Variants in THSD7B observed in about 807,000 individuals in gnomAD.
The protein encoded by THSD7B is thrombospondin type-1 domain-containing protein 7B.
A neutral mutation model predicts 213.6 loss-of-function variants in THSD7B; 138 were observed. The observed-to-expected ratio is 0.65, with a 90% CI of 0.56 to 0.74. The LOEUF is 0.74. Among genes scored for constraint, THSD7B ranks in the 30% least tolerant of loss-of-function variants. THSD7B has a pLI of 0.00. For synonymous variants in THSD7B, 742 were observed against 687.0 expected (o/e 1.08, Z -1.25); for missense variants, 1,931 against 1,991.5 (o/e 0.97, Z 0.58).
At chr2:136,962,475 T>A (rs1003316405) in intron 2 of THSD7B, among the ~76,000 whole-genome samples, 3 of 144,896 alleles carry the variant, frequency 2.1e-5, no homozygotes, top group Admixed American at 7.3e-5. Flanking sequence ...AGACATTGCA[T>A]GGGAATAGGC....
chr2:137,620,133 T>C (rs1035765406), intron 19 of THSD7B, among the ~76,000 whole-genome samples: 13 of 152,304 alleles, frequency 8.5e-5, no homozygotes, highest in Non-Finnish European at 7.4e-5. Context: ...GTTACGACCA[T>C]GATTGTTTTT....
intron 2 of THSD7B, among the ~76,000 whole-genome samples, chr2:136,935,495 A>T (rs1023350024): frequency 6.6e-6 from 1 of 152,138 alleles, no homozygotes; most frequent in African/African-American, 2.4e-5. Context: ...GGAAGATTTG[A>T]ATATGTTCTG....
At chr2:136,882,401 A>G (rs1683641467) in intron 2 of THSD7B, 84 bp downstream of exon 2, 2 of 1,309,042 alleles carry the variant, frequency 1.5e-6, no homozygotes, top group Non-Finnish European at 2.0e-6. Flanking sequence ...TTCTTTCTAA[A>G]GTAGTGGGAA....
chr2:137,478,321 C>T (rs555332702), intron 15 of THSD7B, among the ~76,000 whole-genome samples: 17 of 152,228 alleles, frequency 1.1e-4, no homozygotes, highest in Admixed American at 7.9e-4. Flanking sequence ...TCTTAACATT[C>T]TGAAATTCTT....
chr2:137,539,426 A>AT (rs1353002544), intron 15 of THSD7B, among the ~76,000 whole-genome samples: 1 of 151,688 alleles, frequency 6.6e-6, no homozygotes. Flanking sequence ...TAGGAGGCAG[A>AT]TTTTAAGATC....
Position 136,995,089 on chromosome 2 carries a change from T to A in THSD7B, c.140-61331T>A, listed in dbSNP as rs143219075. Among the ~76,000 whole-genome samples the A allele has an allele frequency of 1.6e-4, 24 of 152,264 alleles. No individual in the cohort carries two copies. The East Asian group carries it at 4.6e-3, about 29-fold the overall frequency. On this transcript the variant is annotated intron_variant, in intron 2 of 27. Transcript: ENST00000409968. Reference sequence around the variant, plus strand: ...AGGTGTTAATCCATCAACAAACATCTCTTGTGATTCAAAGCTGGCATCTGG... The same window carrying A: ...AGGTGTTAATCCATCAACAAACATCACTTGTGATTCAAAGCTGGCATCTGG...
intron 1 of THSD7B, among the ~76,000 whole-genome samples, chr2:136,838,931 A>G (rs1020577190): frequency 6.6e-6 from 1 of 152,116 alleles, no homozygotes; most frequent in African/African-American, 2.4e-5. Flanking sequence ...TCATTCTCTC[A>G]GCTCCTGGAA....
At chr2:136,950,397 C>T (rs1369537961) in intron 2 of THSD7B, among the ~76,000 whole-genome samples, 3 of 152,118 alleles carry the variant, frequency 2.0e-5, no homozygotes, top group African/African-American at 7.2e-5. Flanking sequence ...CAAACCTGCA[C>T]GTTCTGCACA....
chr2:136,930,960 A>G (rs529026171), intron 2 of THSD7B, among the ~76,000 whole-genome samples: 1 of 152,276 alleles, frequency 6.6e-6, no homozygotes, highest in African/African-American at 2.4e-5. Flanking sequence ...TTGTCTAACA[A>G]TGACTATTTA....
At chr2:137,246,826 A>G (rs1202749495) in intron 10 of THSD7B, among the ~76,000 whole-genome samples, 1 of 151,836 alleles carries the variant, frequency 6.6e-6, no homozygotes, top group Non-Finnish European at 1.5e-5. Flanking sequence ...ATGCCTGCCT[A>G]AAGTATCCAA....
chr2:137,399,764 A>G (rs894652892), intron 12 of THSD7B, among the ~76,000 whole-genome samples: 1 of 152,140 alleles, frequency 6.6e-6, no homozygotes, highest in Non-Finnish European at 1.5e-5. Flanking sequence ...GGATGTTTTC[A>G]TCAGTTATTT....
At chr2:137,336,611 T>C (rs1323996234) in intron 12 of THSD7B, among the ~76,000 whole-genome samples, 1 of 152,170 alleles carries the variant, frequency 6.6e-6, no homozygotes, top group African/African-American at 2.4e-5. Flanking sequence ...GTTCTTTTCA[T>C]GGTCTTGCTC....
intron 2 of THSD7B, among the ~76,000 whole-genome samples, chr2:136,988,315 A>G (rs1685703477): frequency 6.6e-6 from 1 of 152,208 alleles, no homozygotes; most frequent in African/African-American, 2.4e-5. Flanking sequence ...GAGATCAGGT[A>G]TTTCAGTCTG....
At chr2:137,653,007 A>G (rs1188615948) in intron 21 of THSD7B, among the ~76,000 whole-genome samples, 3 of 152,126 alleles carry the variant, frequency 2.0e-5, no homozygotes, top group African/African-American at 7.2e-5. Context: ...GTATTAGGAT[A>G]TTCCATGTTT....
At chr2:137,020,027 C>T (rs182778979) in intron 2 of THSD7B, among the ~76,000 whole-genome samples, 21 of 152,252 alleles carry the variant, frequency 1.4e-4, no homozygotes, top group African/African-American at 4.8e-4. Flanking sequence ...CATGAAAACG[C>T]CAGGCACAGA....
intron 12 of THSD7B, among the ~76,000 whole-genome samples, chr2:137,308,875 G>A (rs992425545): frequency 2.6e-5 from 4 of 151,810 alleles, no homozygotes; most frequent in Non-Finnish European, 1.5e-5. Context: ...CTTATTTATT[G>A]GTACAAAGCT....
intron 7 of THSD7B, among the ~76,000 whole-genome samples, chr2:137,221,039 G>A (rs974874000): frequency 6.6e-6 from 1 of 152,114 alleles, no homozygotes; most frequent in African/African-American, 2.4e-5. Context: ...ACTGGCTCAC[G>A]CCTGTAATCC....
chr2:137,369,163 A>ATTT (rs1210396572), intron 12 of THSD7B, among the ~76,000 whole-genome samples: 58 of 150,656 alleles, frequency 3.8e-4, no homozygotes, highest in African/African-American at 1.3e-3. Context: ...ATATATATAT[A>ATTT]TATATTTTTG....
chr2:137,050,537 A>G (rs1193011565), intron 2 of THSD7B, among the ~76,000 whole-genome samples: 1 of 152,230 alleles, frequency 6.6e-6, no homozygotes, highest in African/African-American at 2.4e-5. Context: ...AACATTAGCA[A>G]CAAAGCTTAT....
Sources: allele counts gnomAD v4.1 joint callset (sites outside exome capture counted in the v4.1 genomes callset), GRCh38; gene constraint gnomAD v4.1.1; transcripts MANE v1.5; gene names NCBI Gene and HGNC (gene_info 2026-07-23, HGNC 2026-07-21).